The following LAMTOR5 variants were observed in gnomAD, a reference collection of about 807,000 sequenced individuals.
The protein encoded by LAMTOR5 is ragulator complex protein LAMTOR5.
Under a neutral mutation model 12.1 loss-of-function variants are expected in LAMTOR5, and 8 were observed. That is an observed-to-expected ratio of 0.66 (90% CI 0.39 to 1.19). LAMTOR5 has a LOEUF of 1.19. Among genes scored for constraint, LAMTOR5 ranks in the 50% most tolerant of loss-of-function variants. The probability of loss-of-function intolerance (pLI) is 0.01; values close to 1 mark genes in which losing one functional copy is unlikely to be tolerated. For missense variants in LAMTOR5, 110 were observed against 112.8 expected, an observed-to-expected ratio of 0.97 and a Z score of 0.11; for synonymous variants, 37 against 41.9, an observed-to-expected ratio of 0.88 and a Z score of 0.45.
intron 1 of LAMTOR5, 74 bp from the exon 2 acceptor site, chr1:110,406,453 G>A: frequency 2.0e-6 from 2 of 977,150 alleles, no homozygotes; most frequent in Non-Finnish European, 3.2e-6. Context: ...AAACATACAG[G>A]TGTTCTATGT....
upstream of LAMTOR5, chr1:110,407,773 T>C (rs1333583647): frequency 6.2e-7 from 1 of 1,614,170 alleles, no homozygotes; most frequent in Admixed American, 1.7e-5. Context: ...CGTTCTTTAC[T>C]GGAAAACATC....
At chr1:110,404,373 C>G (rs902973312) in intron 2 of LAMTOR5, among the ~76,000 whole-genome samples, 1 of 152,138 alleles carries the variant, frequency 6.6e-6, no homozygotes, top group Admixed American at 6.5e-5. Context: ...GATCCGATGC[C>G]GACGTTTGAG....
intron 2 of LAMTOR5, among the ~76,000 whole-genome samples, chr1:110,405,804 G>A (rs1663317046): frequency 6.6e-6 from 1 of 152,096 alleles, no homozygotes; most frequent in Non-Finnish European, 1.5e-5. Context: ...TAGTTTTTTG[G>A]TCCACGTTCA....
At chr1:110,407,869 C>T (rs773134361), upstream of LAMTOR5, 6 of 1,611,502 alleles carry the variant, frequency 3.7e-6, no homozygotes, top group Non-Finnish European at 5.1e-6. Context: ...GGCTCCATGG[C>T]GGAACCGGCC....
At position 110,401,517 on chromosome 1, in the gene LAMTOR5, T is replaced by G. The variant is rs776852680; in HGVS notation, c.*6A>C. On this transcript the variant is annotated 3_prime_UTR_variant, in exon 4 of 4. Transcript: ENST00000602318. ...ATGACAGGCTGCTGAAGAACAGATA[T>G]GAGCATCAAGAGGCCATTTTGTGCA... is the stretch of plus-strand genomic sequence containing the variant. 3 of 1,604,244 alleles carry G rather than the reference T, an allele frequency of 1.9e-6. No homozygotes were observed. Among genetic ancestry groups the G allele is most frequent in the East Asian group, 4.5e-5 (2 of 44,500 alleles).
chr1:110,407,580 A>T lies in LAMTOR5; in HGVS notation c.35+6T>A. The T allele has an allele frequency of 2.5e-6, 4 of 1,613,498 alleles. No homozygotes were observed. The highest frequency in any genetic ancestry group is 3.4e-6 in the Non-Finnish European group (4 of 1,179,758). ...AGGACAGGCCGAAGAGGCGCGCACT[A>T]CTCACGTGTCTTCCAAGTGCTGCTC... On this transcript the variant is annotated splice_donor_region_variant and intron_variant, in intron 1 of 3. Coordinates refer to ENST00000602318, the MANE Select transcript of LAMTOR5 (RefSeq NM_001382293.1).
chr1:110,403,865 T>A, intron 3 of LAMTOR5, 54 bp downstream of exon 3: 2 of 1,602,424 alleles, frequency 1.2e-6, no homozygotes. Flanking sequence ...CCCCGCCAAT[T>A]TTACCAGGAA....
intron 1 of LAMTOR5, 76 bp from the exon 2 acceptor site, chr1:110,406,455 G>T: frequency 1.0e-6 from 1 of 965,922 alleles, no homozygotes; most frequent in Non-Finnish European, 1.6e-6. Context: ...ACATACAGGT[G>T]TTCTATGTAC....
intron 2 of LAMTOR5, among the ~76,000 whole-genome samples, chr1:110,405,121 G>A (rs1388620866): frequency 6.6e-6 from 1 of 151,104 alleles, no homozygotes; most frequent in African/African-American, 2.4e-5. Flanking sequence ...CTTACTAGCT[G>A]CATGACCTCA....
At chr1:110,401,956 C>G (rs1428507477) in intron 3 of LAMTOR5, among the ~76,000 whole-genome samples, 2 of 152,162 alleles carry the variant, frequency 1.3e-5, no homozygotes, top group Non-Finnish European at 2.9e-5. Flanking sequence ...TCTTTGTTTT[C>G]TTTGCATGTA....
At chr1:110,402,905 C>A (rs1663256246) in intron 3 of LAMTOR5, among the ~76,000 whole-genome samples, 1 of 152,212 alleles carries the variant, frequency 6.6e-6, no homozygotes, top group African/African-American at 2.4e-5. Flanking sequence ...TCACTCAGAG[C>A]AACTTCCAGT....
intron 1 of LAMTOR5, chr1:110,406,941 C>A (rs900338764): frequency 3.6e-6 from 2 of 560,994 alleles, no homozygotes; most frequent in Admixed American, 2.8e-5. Flanking sequence ...ACAAACACTG[C>A]GTGAAAAACA....
chr1:110,404,580 AAAC>A (rs149625633), intron 2 of LAMTOR5, among the ~76,000 whole-genome samples: 503 of 152,366 alleles, frequency 3.3e-3, no homozygotes, highest in Non-Finnish European at 6.3e-3. Context: ...TCAGAGCTTT[AAAC>A]ATTCCTGCAT....
At chr1:110,401,861 C>T (rs1398752198) in intron 3 of LAMTOR5, among the ~76,000 whole-genome samples, 2 of 152,058 alleles carry the variant, frequency 1.3e-5, no homozygotes, top group African/African-American at 4.8e-5. Context: ...GCTATGTTGC[C>T]CAAGCTGGCC....
Position 110,401,490 on chromosome 1 carries a change from C to A in LAMTOR5, c.*33G>T. 1 of 1,593,316 alleles carries A rather than the reference C, an allele frequency of 6.3e-7. No homozygotes were observed. The highest frequency in any genetic ancestry group is 8.6e-7 in the Non-Finnish European group (1 of 1,163,354). On this transcript the variant is annotated 3_prime_UTR_variant, in exon 4 of 4. Coordinates refer to ENST00000602318, the MANE Select transcript of LAMTOR5 (RefSeq NM_001382293.1). ...AATTAACATAGGTAGGATCCAGTTC[C>A]TATGACAGGCTGCTGAAGAACAGAT...
rs948295857 is a variant in LAMTOR5 at position 110,406,339 on chromosome 1, A to T, written c.76T>A (p.Ser26Thr). Residue 26 changes from serine (S) to threonine (T), a missense_variant, in exon 2 of 4, where the codon TCA (serine) becomes ACA (threonine). Coordinates refer to ENST00000602318, the MANE Select transcript of LAMTOR5 (RefSeq NM_001382293.1). ...TTACAACCCAGATTAAGTCCTTGTG[A>T]ATCTGTGCACAGGACTCCAACAATG... ...PSIVGVLCTDSQGLNLGCRGT... is the reference protein window; with the variant it reads ...PSIVGVLCTDTQGLNLGCRGT... The T allele has an allele frequency of 5.0e-6, 8 of 1,608,638 alleles. No individual in the cohort carries two copies. In the African/African-American group the frequency reaches 1.1e-4, roughly 22 times the overall value.
At chr1:110,402,200 G>A (rs749417841) in intron 3 of LAMTOR5, among the ~76,000 whole-genome samples, 15 of 152,136 alleles carry the variant, frequency 9.9e-5, no homozygotes, top group African/African-American at 2.4e-4. Flanking sequence ...TGTACAGTAC[G>A]TAACGCTTGA....
At chr1:110,405,405 T>C (rs1040333715) in intron 2 of LAMTOR5, among the ~76,000 whole-genome samples, 1 of 152,072 alleles carries the variant, frequency 6.6e-6, no homozygotes, top group Admixed American at 6.5e-5. Context: ...CCTCAGGTGA[T>C]CCACCCGCCT....
At chr1:110,405,765 C>G (rs1663314664) in intron 2 of LAMTOR5, among the ~76,000 whole-genome samples, 4 of 152,258 alleles carry the variant, frequency 2.6e-5, no homozygotes, top group African/African-American at 9.6e-5. Flanking sequence ...CAAATAACAA[C>G]CCAGTGAAGA....
Sources: allele counts gnomAD v4.1 joint callset (sites outside exome capture counted in the v4.1 genomes callset), GRCh38; gene constraint gnomAD v4.1.1; transcripts MANE v1.5; gene names NCBI Gene and HGNC (gene_info 2026-07-23, HGNC 2026-07-21).